Variants in TUFT1 observed in about 807,000 individuals in gnomAD.
The protein encoded by TUFT1 is tuftelin.
Under a neutral mutation model 57.8 loss-of-function variants are expected in TUFT1, and 43 were observed. The observed-to-expected ratio is 0.74, with a 90% confidence interval of 0.58 to 0.96. The LOEUF is 0.96. Ranked by LOEUF, TUFT1 falls within the 40% of genes least tolerant of loss-of-function variation. TUFT1 has a pLI of 0.00. For synonymous variants in TUFT1, 166 were observed against 176.7 expected, an observed-to-expected ratio of 0.94 and a Z score of 0.48; for missense variants, 459 against 489.0, an observed-to-expected ratio of 0.94 and a Z score of 0.58.
intron 1 of TUFT1, chr1:151,545,866 A>G: frequency 1.9e-6 from 1 of 533,578 alleles, no homozygotes; most frequent in Non-Finnish European, 3.9e-6. Context: ...CAGGGTTCAT[A>G]TTTTGGCATC....
intron 1 of TUFT1, among the ~76,000 whole-genome samples, chr1:151,551,366 C>G (rs558471237): frequency 6.6e-6 from 1 of 151,684 alleles, no homozygotes; most frequent in South Asian, 2.1e-4. Context: ...TCTAGGCCAG[C>G]CATTGTACTA....
At chr1:151,565,986 C>G in intron 5 of TUFT1, 177 bp from the exon 6 acceptor site, 5 of 479,770 alleles carry the variant, frequency 1.0e-5, no homozygotes, top group East Asian at 6.9e-5. Context: ...CTTCTCCTTT[C>G]TTCATTCCTT....
At chr1:151,575,908 G>A (rs375721784) in intron 9 of TUFT1, among the ~76,000 whole-genome samples, 4 of 152,180 alleles carry the variant, frequency 2.6e-5, no homozygotes, top group East Asian at 3.9e-4. Flanking sequence ...GAAAATACAC[G>A]TGTCATATTG....
At chr1:151,544,901 T>G (rs1030766215) in intron 1 of TUFT1, among the ~76,000 whole-genome samples, 1 of 152,224 alleles carries the variant, frequency 6.6e-6, no homozygotes, top group Admixed American at 6.5e-5. Flanking sequence ...GTAGGAATTA[T>G]AGGAAAATCT....
chr1:151,566,735 A>G (rs1159384702), intron 6 of TUFT1, among the ~76,000 whole-genome samples: 1 of 152,172 alleles, frequency 6.6e-6, no homozygotes, highest in Non-Finnish European at 1.5e-5. Flanking sequence ...TATGTATATA[A>G]TATACATGTG....
intron 9 of TUFT1, 68 bp from the exon 10 acceptor site, chr1:151,578,653 C>A: frequency 1.5e-6 from 2 of 1,374,094 alleles, no homozygotes; most frequent in Non-Finnish European, 2.0e-6. Context: ...AAGCTCAAGG[C>A]TCTTCCTGTG....
At position 151,578,766 on chromosome 1, in the gene TUFT1, C is replaced by T. The variant is rs1207755781; in HGVS notation, c.864C>T (p.Ile288=). 8 of 1,584,308 alleles carry T rather than the reference C, an allele frequency of 5.0e-6. No individual in the cohort carries two copies. The highest frequency in any genetic ancestry group is 6.9e-6 in the Non-Finnish European group (8 of 1,164,038). The change falls in exon 10 of 13, where the codon ATC becomes ATT. Residue 288 remains isoleucine, a synonymous_variant. Coordinates refer to ENST00000368849, the MANE Select transcript of TUFT1 (RefSeq NM_020127.3). ...AAGTGGCCGGGTTGCGGGAGAAGAT[C>T]CACCACTTGGATGACATGCTCAAGA... The part of the protein sequence containing the change: ...EKEVAGLREK[I]HHLDDMLKSQ...
At chr1:151,568,379 C>T (rs1245278142) in intron 6 of TUFT1, among the ~76,000 whole-genome samples, 8 of 152,100 alleles carry the variant, frequency 5.3e-5, no homozygotes, top group East Asian at 3.8e-4. Context: ...TCCCTGGTAC[C>T]GTGTTTTTTA....
chr1:151,581,137 G>C (rs909030599), intron 12 of TUFT1, 95 bp downstream of exon 12: 13 of 1,196,350 alleles, frequency 1.1e-5, no homozygotes, highest in African/African-American at 3.1e-5. Context: ...CAAGAACAAG[G>C]CTCCTTTAAA....
chr1:151,549,936 G>A (rs903690130), intron 1 of TUFT1, among the ~76,000 whole-genome samples: 1 of 152,120 alleles, frequency 6.6e-6, no homozygotes, highest in Non-Finnish European at 1.5e-5. Context: ...TGCCCAGGCT[G>A]GTCTCAAACT....
At chr1:151,571,921 C>T (rs543058709) in intron 7 of TUFT1, among the ~76,000 whole-genome samples, 17 of 152,078 alleles carry the variant, frequency 1.1e-4, no homozygotes, top group South Asian at 2.1e-4. Flanking sequence ...TCTTGCTGGG[C>T]GCTGTGGCTC....
At chr1:151,570,801 G>A (rs1186185446) in intron 7 of TUFT1, among the ~76,000 whole-genome samples, 1 of 151,936 alleles carries the variant, frequency 6.6e-6, no homozygotes, top group African/African-American at 2.4e-5. Flanking sequence ...TCCATCTCCC[G>A]GACTCAAGCC....
rs565131026 is a variant in TUFT1, at chr1:151,545,512, A to G, written c.60+5086A>G. 3.9e-5 allele frequency among the ~76,000 whole-genome samples: 6 copies of G among 152,310 alleles called. No homozygotes were observed. In the South Asian group the frequency reaches 1.2e-3, roughly 32 times the overall value. On this transcript the variant is annotated intron_variant, in intron 1 of 12. Transcript: ENST00000368849. Reference sequence around the variant, plus strand: ...GGATTAAATTAGATAATACACATAAAATATGAAGCACAGTGCCTGGCATGT... The same window carrying G: ...GGATTAAATTAGATAATACACATAAGATATGAAGCACAGTGCCTGGCATGT...
chr1:151,563,518 A>G (rs948622339), intron 3 of TUFT1, among the ~76,000 whole-genome samples: 4 of 152,216 alleles, frequency 2.6e-5, no homozygotes, highest in Admixed American at 1.3e-4. Flanking sequence ...TACACCATAC[A>G]GCCTAGGGGT....
chr1:151,554,199 G>A (rs960563359), intron 1 of TUFT1, among the ~76,000 whole-genome samples: 2 of 152,136 alleles, frequency 1.3e-5, no homozygotes, highest in African/African-American at 4.8e-5. Flanking sequence ...TTGGTACAAT[G>A]CTGTTAACAA....
At chr1:151,560,590 T>C (rs1056570786) in intron 1 of TUFT1, among the ~76,000 whole-genome samples, 2 of 152,190 alleles carry the variant, frequency 1.3e-5, no homozygotes, top group Admixed American at 1.3e-4. Flanking sequence ...CAGTAAGATG[T>C]CATTTATGCA....
chr1:151,569,442 G>A (rs1170436357), intron 6 of TUFT1, among the ~76,000 whole-genome samples: 1 of 152,184 alleles, frequency 6.6e-6, no homozygotes, highest in East Asian at 1.9e-4. Context: ...TTTGAGGCTA[G>A]CAGGGTTCTT....
chr1:151,541,734 A>C (rs1665175192), intron 1 of TUFT1, among the ~76,000 whole-genome samples: 1 of 152,200 alleles, frequency 6.6e-6, no homozygotes, highest in African/African-American at 2.4e-5. Flanking sequence ...GGCCAACCCC[A>C]GTTGCCCAAA....
chr1:151,581,645 A>T lies in TUFT1; in HGVS notation c.1111A>T (p.Ile371Phe), dbSNP rs768249181. ...CAGTGTTTCCAACCTTCTTTTCAGT[A>T]TTAGGATATCCAAGCCGCCTAGCCC... ...ARAKTENPGS[I>F]RISKPPSPKP... The change falls in exon 13 of 13, where the codon ATT (isoleucine) becomes TTT (phenylalanine). Residue 371 changes from isoleucine (I) to phenylalanine (F), a missense_variant and splice_region_variant. Ile to Phe is a conservative substitution (Grantham distance 21). Transcript: ENST00000368849. 3 of 1,614,068 alleles carry T rather than the reference A, an allele frequency of 1.9e-6. No homozygotes were observed. In the South Asian group the frequency reaches 3.3e-5, roughly 18 times the overall value.
Sources: allele counts gnomAD v4.1 joint callset (sites outside exome capture counted in the v4.1 genomes callset), GRCh38; gene constraint gnomAD v4.1.1; transcripts MANE v1.5; gene names NCBI Gene and HGNC (gene_info 2026-07-23, HGNC 2026-07-21).